The following ENPP1 variants were observed in gnomAD, a reference collection of about 807,000 sequenced individuals.
ENPP1 encodes ectonucleotide pyrophosphatase/phosphodiesterase 1.
ENPP1 carries 73 observed loss-of-function variants against 122.8 expected under a neutral mutation model. The observed-to-expected ratio is 0.59, with a 90% CI of 0.49 to 0.72. ENPP1 has a LOEUF of 0.72. Among genes scored for constraint, ENPP1 ranks in the 30% least tolerant of loss-of-function variants. The pLI is 0.00. For missense variants in ENPP1, 978 were observed against 1,128.1 expected (o/e 0.87, Z 1.91); for synonymous variants, 367 against 391.6 (o/e 0.94, Z 0.74).
chr6:131,818,734 T>C (rs965183871), intron 1 of ENPP1, among the ~76,000 whole-genome samples: 1 of 152,176 alleles, frequency 6.6e-6, no homozygotes, highest in African/African-American at 2.4e-5. Flanking sequence ...TGTGACACAA[T>C]TGGAAGTATG....
At chr6:131,844,893 T>C (rs181388449) in intron 1 of ENPP1, among the ~76,000 whole-genome samples, 61 of 152,202 alleles carry the variant, frequency 4.0e-4, no homozygotes, top group African/African-American at 1.4e-3. Context: ...GATCTAAACT[T>C]AGAAAGGAAT....
At chr6:131,815,871 ATTTTTTTTT>A (rs750091125) in intron 1 of ENPP1, among the ~76,000 whole-genome samples, 1 of 115,842 alleles carries the variant, frequency 8.6e-6, no homozygotes, top group South Asian at 2.8e-4. Context: ...CACCTGGCTA[ATTTTTTTTT>A]TTTTTTTTTT....
At chr6:131,856,333 GTTGT>G (rs1211638042) in intron 6 of ENPP1, among the ~76,000 whole-genome samples, 3 of 150,844 alleles carry the variant, frequency 2.0e-5, no homozygotes, top group East Asian at 2.0e-4. Context: ...TTTTGATGGG[GTTGT>G]TTGTTTTTTT....
intron 1 of ENPP1, among the ~76,000 whole-genome samples, chr6:131,809,770 G>T (rs1259152164): frequency 1.3e-5 from 2 of 152,244 alleles, no homozygotes; most frequent in East Asian, 1.9e-4. Context: ...CAAAATTCAG[G>T]TTTTAAATTT....
intron 11 of ENPP1, among the ~76,000 whole-genome samples, chr6:131,867,196 GTTGTCTTGT>G (rs1562179558): frequency 2.6e-5 from 4 of 152,146 alleles, no homozygotes; most frequent in South Asian, 2.1e-4. Flanking sequence ...AATGAAAGAC[GTTGTCTTGT>G]TTCATGTTAC....
chr6:131,854,998 A>G lies in ENPP1; in HGVS notation c.690A>G (p.Gly230=), dbSNP rs1289403687. The G allele has an allele frequency of 6.8e-6, 11 of 1,612,282 alleles. No individual in the cohort carries two copies. Among genetic ancestry groups the G allele is most frequent in the Non-Finnish European group, 8.5e-6 (10 of 1,178,604 alleles). Residue 230 remains glycine, a synonymous_variant, in exon 6 of 25, where the codon GGA becomes GGG. Coordinates refer to ENST00000647893, the MANE Select transcript of ENPP1 (RefSeq NM_006208.3). ...FRAEYLHTWG[G]LLPVISKLKK... is the part of the protein sequence containing the mutation. ...CAGAATATTTACACACTTGGGGTGG[A>G]CTTCTTCCTGTTATTAGCAAACTAA...
Position 131,856,920 on chromosome 6 carries a change from G to A in ENPP1, c.716-1748G>A. 1.3e-5 allele frequency among the ~76,000 whole-genome samples: 2 copies of A among 152,154 alleles called. 1 individual carries two copies. The highest frequency in any genetic ancestry group is 2.9e-5 in the Non-Finnish European group (2 of 68,026). ...TTGTAGTATAGTTCGAAGTCAGGTA[G>A]TGTGATGCTTCCAGCTTTGTTCTTT... is the stretch of plus-strand genomic sequence containing the variant. On this transcript the variant is annotated intron_variant, in intron 6 of 24. Transcript: ENST00000647893.
At chr6:131,835,959 C>T (rs1413451283) in intron 1 of ENPP1, among the ~76,000 whole-genome samples, 2 of 152,116 alleles carry the variant, frequency 1.3e-5, no homozygotes, top group African/African-American at 4.8e-5. Context: ...GCCCAGATCC[C>T]CTAAGTGACA....
intron 15 of ENPP1, 68 bp from the exon 16 acceptor site, chr6:131,874,200 A>G (rs1362131844): frequency 4.2e-6 from 4 of 956,662 alleles, no homozygotes; most frequent in Middle Eastern, 2.1e-4. Context: ...AATGAAAATA[A>G]TGTTATGATT....
chr6:131,825,734 A>T (rs185239449), intron 1 of ENPP1, among the ~76,000 whole-genome samples: 1 of 152,346 alleles, frequency 6.6e-6, no homozygotes, highest in African/African-American at 2.4e-5. Context: ...TATTATTTTA[A>T]GATTCCTTAT....
chr6:131,872,838 C>T, intron 14 of ENPP1, 85 bp from the exon 15 acceptor site: 1 of 1,331,586 alleles, frequency 7.5e-7, no homozygotes, highest in Non-Finnish European at 1.1e-6. Flanking sequence ...ATATCTTTCC[C>T]TAATAAATAT....
intron 1 of ENPP1, among the ~76,000 whole-genome samples, chr6:131,845,241 C>A (rs1006315228): frequency 2.6e-5 from 4 of 151,306 alleles, no homozygotes; most frequent in African/African-American, 9.7e-5. Context: ...CCATCTTGGC[C>A]AGGCTGGTCT....
At chr6:131,871,928 C>A (rs879028086) in intron 13 of ENPP1, 142 bp from the exon 14 acceptor site, 137 of 686,932 alleles carry the variant, frequency 2.0e-4, no homozygotes, top group Non-Finnish European at 7.7e-6. Flanking sequence ...TCAGTGGCTA[C>A]AATGTAATGA....
At chr6:131,808,972 G>T (rs910962790) in intron 1 of ENPP1, among the ~76,000 whole-genome samples, 1 of 152,198 alleles carries the variant, frequency 6.6e-6, no homozygotes, top group Non-Finnish European at 1.5e-5. Context: ...AAATGTGGGG[G>T]TTGGTTTTTA....
rs562777398 is a variant in ENPP1, at chr6:131,857,035, T to C, written c.716-1633T>C. 1.1e-3 allele frequency among the ~76,000 whole-genome samples: 168 copies of C among 152,220 alleles called. 1 individual carries two copies. The highest frequency in any genetic ancestry group is 3.8e-3 in the African/African-American group (158 of 41,548). The stretch of plus-strand genomic sequence containing the variant: ...TTTCCAATTCTGTGAAGAAAGTCAT[T>C]GGTAGCTTGATGGGGATGGCATTGA... On this transcript the variant is annotated intron_variant, in intron 6 of 24. Transcript: ENST00000647893.
chr6:131,865,267 C>G (rs1209152529), intron 11 of ENPP1, among the ~76,000 whole-genome samples: 1 of 152,168 alleles, frequency 6.6e-6, no homozygotes, highest in African/African-American at 2.4e-5. Flanking sequence ...AGCTAAACCT[C>G]CAGTGTGAAA....
chr6:131,864,392 A>G (rs1782061635), intron 9 of ENPP1, 114 bp from the exon 10 acceptor site: 7 of 715,808 alleles, frequency 9.8e-6, no homozygotes, highest in Non-Finnish European at 1.7e-5. Context: ...TTCAAACACA[A>G]TAGATGCGAA....
In ENPP1 at chr6:131,817,200, C is replaced by T. The variant is rs575233300; in HGVS notation, c.240+8925C>T. ...GACTTTTATCTACAGATTTTTATCA[C>T]GGACTAATAGCTAATGCCATCCCAT... On this transcript the variant is annotated intron_variant, in intron 1 of 24. Transcript: ENST00000647893. Among the ~76,000 whole-genome samples, 97 of 152,274 alleles carry T rather than the reference C, an allele frequency of 6.4e-4. No individual in the cohort carries two copies. In the Middle Eastern group the frequency reaches 0.01, roughly 16 times the overall value.
At position 131,890,629 on chromosome 6, in the gene ENPP1, C is replaced by G. The variant is rs568433265; in HGVS notation, c.*118C>G. 1.1e-6 allele frequency: 1 copy of G among 878,424 alleles called. No homozygotes were observed. Among genetic ancestry groups the G allele is most frequent in the East Asian group, 2.5e-5 (1 of 39,236 alleles). 54.4% of individuals were successfully genotyped at this position (878,424 alleles called of 1,614,324 possible). ...TGTCGACCAGAGTTAGAACGGAGCC[C>G]TCGGTGATGCGGACATCTCAGGGAA... On this transcript the variant is annotated 3_prime_UTR_variant, in exon 25 of 25. Transcript: ENST00000647893.
Sources: gnomAD v4.1 joint callset for allele counts (sites outside exome capture counted in the v4.1 genomes callset) on GRCh38, gnomAD v4.1.1 for gene constraint, MANE v1.5 for transcripts, NCBI Gene and HGNC (gene_info 2026-07-23, HGNC 2026-07-21) for gene names.